PDE7B: variants seen among roughly 807,000 people sequenced by gnomAD.
PDE7B encodes the protein phosphodiesterase 7B.
PDE7B carries 29 observed loss-of-function variants against 56.2 expected under a neutral mutation model. The ratio of observed to expected loss-of-function variants is 0.52; its 90% confidence interval spans 0.38 to 0.70. The LOEUF (loss-of-function observed/expected upper bound fraction) is 0.70, where lower values mean the gene tolerates loss of function less well. Ranked by LOEUF, PDE7B falls within the 30% of genes least tolerant of loss-of-function variation. PDE7B has a pLI of 0.00. For missense variants in PDE7B, 490 were observed against 565.0 expected, an observed-to-expected ratio of 0.87 and a Z score of 1.35; for synonymous variants, 197 against 196.9, an observed-to-expected ratio of 1.00 and a Z score of 0.00.
Position 136,193,775 on chromosome 6 carries a change from A to C in PDE7B, c.*1935A>C, listed in dbSNP as rs1175914758. On this transcript the variant is annotated 3_prime_UTR_variant, in exon 13 of 13. Coordinates refer to ENST00000308191, the MANE Select transcript of PDE7B (RefSeq NM_018945.4). The stretch of plus-strand genomic sequence containing the variant: ...AGGAAATACTGATTGGCCTATAATA[A>C]GTTCCTATAGGGAGACTGAGGCTTG... 1 of 152,212 alleles carries C rather than the reference A, an allele frequency of 6.6e-6. No homozygotes were observed. Among genetic ancestry groups the C allele is most frequent in the Non-Finnish European group, 1.5e-5 (1 of 68,038 alleles). The allele number at this position is 152,212 out of a possible 1,614,324, so 9.4% of individuals were successfully genotyped here.
intron 1 of PDE7B, among the ~76,000 whole-genome samples, chr6:135,893,549 T>C (rs1775846946): frequency 6.6e-6 from 1 of 152,084 alleles, no homozygotes; most frequent in Non-Finnish European, 1.5e-5. Flanking sequence ...ATAGGAACAC[T>C]TTTACACTGT....
At chr6:136,175,195 CAG>C (rs1290090082) in intron 9 of PDE7B, among the ~76,000 whole-genome samples, 1 of 152,172 alleles carries the variant, frequency 6.6e-6, no homozygotes, top group African/African-American at 2.4e-5. Flanking sequence ...TTGTGGAACA[CAG>C]TGTTATAAAT....
At chr6:135,983,308 G>T (rs1403317034) in intron 2 of PDE7B, among the ~76,000 whole-genome samples, 1 of 152,112 alleles carries the variant, frequency 6.6e-6, no homozygotes, top group African/African-American at 2.4e-5. Flanking sequence ...AGAACCAAGG[G>T]CAGTGACCAA....
intron 3 of PDE7B, among the ~76,000 whole-genome samples, chr6:136,135,436 T>C (rs1049093215): frequency 1.3e-5 from 2 of 152,056 alleles, no homozygotes; most frequent in Admixed American, 1.3e-4. Context: ...AAGAAATTTG[T>C]TTTTATCTTA....
At chr6:136,072,318 G>A (rs931231897) in intron 2 of PDE7B, among the ~76,000 whole-genome samples, 3 of 152,142 alleles carry the variant, frequency 2.0e-5, no homozygotes, top group African/African-American at 7.2e-5. Flanking sequence ...TGGGAGAGGG[G>A]CACCTGGTTA....
intron 2 of PDE7B, among the ~76,000 whole-genome samples, chr6:136,089,501 T>C (rs555189822): frequency 6.6e-6 from 1 of 152,316 alleles, no homozygotes; most frequent in East Asian, 1.9e-4. Context: ...TTGATGACCC[T>C]GGTACTCAGC....
chr6:135,949,290 G>T (rs1041725745), intron 2 of PDE7B, among the ~76,000 whole-genome samples: 1 of 151,956 alleles, frequency 6.6e-6, no homozygotes, highest in Non-Finnish European at 1.5e-5. Context: ...TAAGTTGATT[G>T]ATTAGTTTAT....
chr6:135,998,919 A>G (rs1775615908), intron 2 of PDE7B, among the ~76,000 whole-genome samples: 3 of 152,088 alleles, frequency 2.0e-5, no homozygotes, highest in South Asian at 2.1e-4. Context: ...AGAGAAAGCA[A>G]TATGGCTCTC....
chr6:135,904,636 C>A (rs1776065301), intron 1 of PDE7B, among the ~76,000 whole-genome samples: 2 of 152,166 alleles, frequency 1.3e-5, no homozygotes, highest in Non-Finnish European at 2.9e-5. Context: ...TTATATCAAA[C>A]ACTGTGATGT....
intron 2 of PDE7B, among the ~76,000 whole-genome samples, chr6:136,105,898 T>C (rs576850339): frequency 3.3e-5 from 5 of 152,198 alleles, no homozygotes; most frequent in South Asian, 2.1e-4. Flanking sequence ...AGAAATCCTG[T>C]CACAGGCATT....
chr6:135,921,146 T>A (rs966683111), intron 1 of PDE7B, among the ~76,000 whole-genome samples: 4 of 152,134 alleles, frequency 2.6e-5, no homozygotes, highest in Non-Finnish European at 5.9e-5. Context: ...GAGTATAAAA[T>A]AAGAAAATAA....
At chr6:136,053,538 G>T (rs966805191) in intron 2 of PDE7B, among the ~76,000 whole-genome samples, 1 of 152,034 alleles carries the variant, frequency 6.6e-6, no homozygotes, top group Non-Finnish European at 1.5e-5. Context: ...TGTGTCTTTA[G>T]AGCAGCATGA....
At chr6:136,103,098 C>G (rs946199907) in intron 2 of PDE7B, among the ~76,000 whole-genome samples, 1 of 152,154 alleles carries the variant, frequency 6.6e-6, no homozygotes, top group Non-Finnish European at 1.5e-5. Context: ...ACATACAAAG[C>G]TCTCTCACCG....
Position 135,899,404 on chromosome 6 carries a change from A to G in PDE7B, c.21+47385A>G, listed in dbSNP as rs1461686073. Among the ~76,000 whole-genome samples, 6 of 150,898 alleles carry G rather than the reference A, an allele frequency of 4.0e-5. No homozygotes were observed. The East Asian group carries it at 1.2e-3, about 29-fold the overall frequency. On this transcript the variant is annotated intron_variant, in intron 1 of 12. Coordinates refer to ENST00000308191, the MANE Select transcript of PDE7B (RefSeq NM_018945.4). ...TCCAATGGCAAGGTTATATATGTCT[A>G]TATATAGATTATTATGTATATATAA...
At position 136,194,944 on chromosome 6, in the gene PDE7B, T is replaced by C. The variant is rs1360516151; in HGVS notation, c.*3104T>C. 6.6e-6 allele frequency: 1 copy of C among 152,248 alleles called. No homozygotes were observed. The highest frequency in any genetic ancestry group is 2.4e-5 in the African/African-American group (1 of 41,472). 9.4% of individuals were successfully genotyped at this position (152,248 alleles called of 1,614,324 possible). The stretch of plus-strand genomic sequence containing the variant: ...TTGGATCATCCACAGATTTTTTCTT[T>C]ACAATCTTGTTCTCCTTGTCCATGG... On this transcript the variant is annotated 3_prime_UTR_variant, in exon 13 of 13. Transcript: ENST00000308191.
At chr6:136,160,972 TAATTCATAGATAAAAACAAAAC>T (rs756507982) in intron 8 of PDE7B, among the ~76,000 whole-genome samples, 22 of 152,212 alleles carry the variant, frequency 1.4e-4, no homozygotes, top group Non-Finnish European at 2.8e-4. Context: ...TAGAAAGTGA[TAATTCATAGATAAAAACAAAAC>T]AAGATAAAGA....
rs1411467280 is a variant in PDE7B at position 136,155,716 on chromosome 6, A to G, written c.669A>G (p.Pro223=). ...HDVDHPGVNQ[P]FLIKTNHHLA... ...TGGACCACCCAGGGGTGAACCAGCCATTTTTGATAAAAACTAACCACCATC... is the reference window on the plus strand; with the variant it reads ...TGGACCACCCAGGGGTGAACCAGCCGTTTTTGATAAAAACTAACCACCATC... Residue 223 remains proline (P), a synonymous_variant, in exon 8 of 13, where the codon CCA becomes CCG. Coordinates refer to ENST00000308191, the MANE Select transcript of PDE7B (RefSeq NM_018945.4). 1.9e-6 allele frequency: 3 copies of G among 1,614,080 alleles called. No homozygotes were observed. Among genetic ancestry groups the G allele is most frequent in the East Asian group, 4.5e-5 (2 of 44,882 alleles).
At chr6:136,140,237 C>T (rs1205174734) in intron 3 of PDE7B, among the ~76,000 whole-genome samples, 1 of 152,136 alleles carries the variant, frequency 6.6e-6, no homozygotes, top group African/African-American at 2.4e-5. Flanking sequence ...AATCGTTTCC[C>T]CATTTCTTGT....
chr6:135,908,305 G>A (rs1336008606), intron 1 of PDE7B, among the ~76,000 whole-genome samples: 1 of 151,850 alleles, frequency 6.6e-6, no homozygotes, highest in Non-Finnish European at 1.5e-5. Flanking sequence ...TATCGGTCAG[G>A]CTGGTCTCGT....
Sources: gnomAD v4.1 joint callset for allele counts (sites outside exome capture counted in the v4.1 genomes callset) on GRCh38, gnomAD v4.1.1 for gene constraint, MANE v1.5 for transcripts, NCBI Gene and HGNC (gene_info 2026-07-23, HGNC 2026-07-21) for gene names.